ATG10: variants seen among roughly 807,000 people sequenced by gnomAD.
ATG10 encodes autophagy related 10.
In ATG10, 30 loss-of-function variants were observed where a neutral mutation model predicts 32.1. The ratio of observed to expected loss-of-function variants is 0.94; its 90% CI spans 0.70 to 1.27. The LOEUF (loss-of-function observed/expected upper bound fraction) is 1.27, where lower values mean the gene tolerates loss of function less well. Among genes scored for constraint, ATG10 ranks in the 50% most tolerant of loss-of-function variants. ATG10 has a pLI of 0.00. For missense variants in ATG10, 233 were observed against 262.3 expected (o/e 0.89, Z 0.77); for synonymous variants, 87 against 91.5 (o/e 0.95, Z 0.28).
At chr5:82,147,166 T>G (rs553326953) in intron 3 of ATG10, 1 of 196,292 alleles carries the variant, frequency 5.1e-6, no homozygotes, top group East Asian at 1.8e-4. Flanking sequence ...ACTCCTAAAC[T>G]TTTTCTCTTT....
At chr5:82,215,528 A>G (rs1341364477) in intron 5 of ATG10, among the ~76,000 whole-genome samples, 1 of 152,238 alleles carries the variant, frequency 6.6e-6, no homozygotes, top group Non-Finnish European at 1.5e-5. Flanking sequence ...ATTTTTATAT[A>G]TCTTTAAAAA....
At chr5:82,230,688 G>A (rs182757056) in intron 5 of ATG10, among the ~76,000 whole-genome samples, 6 of 128,642 alleles carry the variant, frequency 4.7e-5, no homozygotes, top group East Asian at 2.3e-4. Context: ...AGCTGAGATC[G>A]CACCACTGCA....
intron 2 of ATG10, among the ~76,000 whole-genome samples, chr5:82,003,404 T>G (rs1761904223): frequency 6.6e-6 from 1 of 152,160 alleles, no homozygotes; most frequent in African/African-American, 2.4e-5. Context: ...GTGTACAAAC[T>G]CCAGGTCTGA....
At chr5:81,980,677 G>A (rs902274175) in intron 1 of ATG10, among the ~76,000 whole-genome samples, 4 of 151,384 alleles carry the variant, frequency 2.6e-5, no homozygotes, top group Non-Finnish European at 5.9e-5. Flanking sequence ...TGGGGTGTTA[G>A]TGGTGAGACT....
At chr5:82,135,106 C>T (rs1766670619) in intron 3 of ATG10, among the ~76,000 whole-genome samples, 1 of 151,812 alleles carries the variant, frequency 6.6e-6, no homozygotes, top group Admixed American at 6.6e-5. Context: ...CTATTTGATT[C>T]TTCTCTGTTT....
At chr5:82,247,263 G>A (rs914842771) in intron 5 of ATG10, among the ~76,000 whole-genome samples, 2 of 152,014 alleles carry the variant, frequency 1.3e-5, no homozygotes, top group African/African-American at 2.4e-5. Flanking sequence ...TTCAGATTGC[G>A]ATTATCTGTA....
At chr5:82,065,715 A>G (rs772985846) in intron 3 of ATG10, among the ~76,000 whole-genome samples, 5 of 152,136 alleles carry the variant, frequency 3.3e-5, no homozygotes, top group Non-Finnish European at 7.4e-5. Flanking sequence ...CAATTGATCT[A>G]CTTTAATAAA....
At chr5:82,029,173 G>A (rs943521466) in intron 2 of ATG10, among the ~76,000 whole-genome samples, 1 of 152,120 alleles carries the variant, frequency 6.6e-6, no homozygotes, top group Non-Finnish European at 1.5e-5. Flanking sequence ...ATTTAAGTTT[G>A]AATTATCCAA....
chr5:82,178,601 G>A lies in ATG10; in HGVS notation c.453+14G>A, dbSNP rs781630221. 1.7e-5 allele frequency: 26 copies of A among 1,545,960 alleles called. No homozygotes were observed. The highest frequency in any genetic ancestry group is 1.7e-4 in the Middle Eastern group (1 of 5,932). ...ATTACGCAACAGGTTGGAGAGTATT[G>A]TCATTTTATTGTATGCATGTTATTG... On this transcript the variant is annotated intron_variant, in intron 5 of 7. Coordinates refer to ENST00000282185, the MANE Select transcript of ATG10 (RefSeq NM_031482.5).
intron 5 of ATG10, among the ~76,000 whole-genome samples, chr5:82,180,107 T>C (rs1744175461): frequency 6.6e-6 from 1 of 152,126 alleles, no homozygotes; most frequent in South Asian, 2.1e-4. Context: ...TGCTCAAACC[T>C]GCAATAGTTC....
At chr5:82,236,855 C>T (rs934389940) in intron 5 of ATG10, among the ~76,000 whole-genome samples, 2 of 152,162 alleles carry the variant, frequency 1.3e-5, no homozygotes, top group African/African-American at 4.8e-5. Context: ...GAGAAACTTG[C>T]TGATCTTTCT....
At chr5:82,219,829 A>AT (rs1480691216) in intron 5 of ATG10, among the ~76,000 whole-genome samples, 14 of 152,284 alleles carry the variant, frequency 9.2e-5, no homozygotes, top group African/African-American at 2.9e-4. Context: ...GAAGTGATTT[A>AT]TTTTTTCCTC....
chr5:82,031,843 G>T (rs1382631485), intron 2 of ATG10, among the ~76,000 whole-genome samples: 5 of 152,262 alleles, frequency 3.3e-5, no homozygotes, highest in Admixed American at 3.3e-4. Flanking sequence ...TCAGTCAGAA[G>T]TCATGCTACT....
At chr5:82,068,304 A>C (rs1764005364) in intron 3 of ATG10, among the ~76,000 whole-genome samples, 1 of 152,150 alleles carries the variant, frequency 6.6e-6, no homozygotes, top group Non-Finnish European at 1.5e-5. Flanking sequence ...AGAAACAGAA[A>C]ACCAAACACC....
chr5:82,006,615 A>G (rs1355561319), intron 2 of ATG10, among the ~76,000 whole-genome samples: 3 of 152,196 alleles, frequency 2.0e-5, no homozygotes, highest in Non-Finnish European at 4.4e-5. Context: ...AAAGCCATGA[A>G]ATATTGTTTC....
chr5:82,213,425 C>G (rs1176210224), intron 5 of ATG10, among the ~76,000 whole-genome samples: 3 of 152,180 alleles, frequency 2.0e-5, no homozygotes, highest in African/African-American at 7.2e-5. Context: ...GGGCAAAATG[C>G]AGAGAATGCT....
chr5:82,148,666 A>G (rs997656031), intron 3 of ATG10, among the ~76,000 whole-genome samples: 1 of 152,198 alleles, frequency 6.6e-6, no homozygotes, highest in Non-Finnish European at 1.5e-5. Flanking sequence ...CCACAAGTTC[A>G]TACCAATCTT....
intron 2 of ATG10, among the ~76,000 whole-genome samples, chr5:82,034,442 CT>C (rs1762850255): frequency 1.3e-5 from 2 of 152,156 alleles, no homozygotes; most frequent in African/African-American, 4.8e-5. Flanking sequence ...CTTTTTTCAC[CT>C]GGCTTCCTAA....
chr5:82,088,580 G>T (rs1367613257), intron 3 of ATG10, among the ~76,000 whole-genome samples: 1 of 152,198 alleles, frequency 6.6e-6, no homozygotes, highest in East Asian at 1.9e-4. Flanking sequence ...ATATTGTGCT[G>T]TAGGTGAGTC....
Sources: gnomAD v4.1 joint callset for allele counts (sites outside exome capture counted in the v4.1 genomes callset) on GRCh38, gnomAD v4.1.1 for gene constraint, MANE v1.5 for transcripts, NCBI Gene and HGNC (gene_info 2026-07-23, HGNC 2026-07-21) for gene names.